The following PTPRN2 variants were observed in gnomAD, a reference collection of about 807,000 sequenced individuals.
PTPRN2 encodes receptor-type tyrosine-protein phosphatase N2.
In PTPRN2, 74 loss-of-function variants were observed where a neutral mutation model predicts 118.8. The ratio of observed to expected loss-of-function variants is 0.62; its 90% CI spans 0.52 to 0.76. PTPRN2 has a LOEUF of 0.76. Among genes scored for constraint, PTPRN2 ranks in the 30% least tolerant of loss-of-function variants. The pLI, the probability that PTPRN2 is intolerant of heterozygous loss-of-function variation, is 0.00. For missense variants in PTPRN2, 1,481 were observed against 1,394.4 expected (o/e 1.06, Z -0.99); for synonymous variants, 641 against 608.0 (o/e 1.05, Z -0.80).
Position 158,133,053 on chromosome 7 carries a change from G to A in PTPRN2, c.1556+624C>T, listed in dbSNP as rs565600154. 1.3e-4 allele frequency among the ~76,000 whole-genome samples: 20 copies of A among 152,358 alleles called. No individual in the cohort carries two copies. In the South Asian group the frequency reaches 1.4e-3, roughly 11 times the overall value. On this transcript the variant is annotated intron_variant, in intron 9 of 22. Transcript: ENST00000389418. ...CAGCCACTTGTGCCTTGCTGGGCCC[G>A]TGATGTCTGAATTCTGAGACTCGTT...
chr7:157,930,114 G>T (rs1281434749), intron 11 of PTPRN2, among the ~76,000 whole-genome samples: 2 of 152,180 alleles, frequency 1.3e-5, no homozygotes, highest in Non-Finnish European at 2.9e-5. Context: ...TTTGCCTCAA[G>T]ATGTTTTCCG....
chr7:157,748,900 G>C (rs370157100), intron 12 of PTPRN2, among the ~76,000 whole-genome samples: 1 of 16,476 alleles, frequency 6.1e-5, no homozygotes, highest in East Asian at 2.1e-3. Flanking sequence ...TCCCTGAGCT[G>C]TGGGCTGTTG....
At chr7:158,338,194 T>A (rs74869576) in intron 2 of PTPRN2, among the ~76,000 whole-genome samples, 98 of 5,468 alleles carry the variant, frequency 0.018, 19 homozygotes, top group Middle Eastern at 0.25. Context: ...AGGTGACACC[T>A]GCAGACGTCA....
At chr7:158,404,259 T>G (rs574535178) in intron 2 of PTPRN2, among the ~76,000 whole-genome samples, 9 of 152,224 alleles carry the variant, frequency 5.9e-5, no homozygotes, top group African/African-American at 9.6e-5. Flanking sequence ...TGTGCTGCTG[T>G]GTCACACGTG....
At chr7:157,712,247 ATTAT>A (rs1798683215) in intron 12 of PTPRN2, among the ~76,000 whole-genome samples, 1 of 152,142 alleles carries the variant, frequency 6.6e-6, no homozygotes, top group Non-Finnish European at 1.5e-5. Flanking sequence ...AGGCATTTGT[ATTAT>A]TTATGTAAAA....
chr7:158,494,037 T>G (rs1219148445), intron 1 of PTPRN2, among the ~76,000 whole-genome samples: 1 of 152,232 alleles, frequency 6.6e-6, no homozygotes, highest in African/African-American at 2.4e-5. Context: ...CTTACCCTTC[T>G]CAAGATGAAA....
chr7:158,068,182 G>C (rs112304778), intron 11 of PTPRN2, among the ~76,000 whole-genome samples: 2,278 of 152,308 alleles, frequency 0.015, 46 homozygotes, highest in African/African-American at 0.05. Context: ...AGGCCAGAGC[G>C]TGGGGACTTC....
chr7:158,064,887 G>C (rs1806609), intron 11 of PTPRN2, among the ~76,000 whole-genome samples: 5,007 of 152,302 alleles, frequency 0.033, 129 homozygotes, highest in Non-Finnish European at 0.047. Flanking sequence ...CTGGGGATGG[G>C]GCACAGAGTG....
At chr7:158,325,432 A>G (rs1379745520) in intron 2 of PTPRN2, among the ~76,000 whole-genome samples, 1 of 152,198 alleles carries the variant, frequency 6.6e-6, no homozygotes. Flanking sequence ...AATGAATACA[A>G]TATGATCACT....
At chr7:158,415,728 T>C (rs1295887567) in intron 2 of PTPRN2, among the ~76,000 whole-genome samples, 1 of 152,026 alleles carries the variant, frequency 6.6e-6, no homozygotes, top group African/African-American at 2.4e-5. Flanking sequence ...CTCAATGAAG[T>C]ATGCAGGCCA....
chr7:157,830,057 C>T (rs1208206062), intron 12 of PTPRN2, among the ~76,000 whole-genome samples: 2 of 145,418 alleles, frequency 1.4e-5, no homozygotes, highest in Non-Finnish European at 3.0e-5. Flanking sequence ...CCTCCTGCCC[C>T]ACCCTCCCTC....
intron 12 of PTPRN2, among the ~76,000 whole-genome samples, chr7:157,853,044 G>A (rs1809403741): frequency 6.6e-6 from 1 of 152,090 alleles, no homozygotes; most frequent in Non-Finnish European, 1.5e-5. Flanking sequence ...TGGGGAGGGT[G>A]GATGGTCTCT....
chr7:158,122,744 T>A (rs1452328943), intron 9 of PTPRN2, among the ~76,000 whole-genome samples: 1 of 152,036 alleles, frequency 6.6e-6, no homozygotes, highest in South Asian at 2.1e-4. Context: ...ACTAGGAAAC[T>A]CCCAGGAGAA....
chr7:158,137,383 C>A (rs1202003761), intron 7 of PTPRN2, among the ~76,000 whole-genome samples: 1 of 152,164 alleles, frequency 6.6e-6, no homozygotes, highest in African/African-American at 2.4e-5. Flanking sequence ...CGTCACCGCA[C>A]TCCAGCCTGG....
rs544882188 is a variant in PTPRN2 at position 157,874,392 on chromosome 7, GC to G, written c.1788+24280del. Among the ~76,000 whole-genome samples the G allele has an allele frequency of 8.5e-5, 13 of 152,212 alleles. No individual in the cohort carries two copies. Among genetic ancestry groups the G allele is most frequent in the East Asian group, 5.8e-4 (3 of 5,174 alleles). ...GGACCTGACCCAGCTCCTGCTTTCT[GC>G]CCCCTCCTGTCCCCTCTCTCCTGCC... On this transcript the variant is annotated intron_variant, in intron 12 of 22. Transcript: ENST00000389418. The surrounding 1 kb of genome is among the most constrained non-coding windows in gnomAD (Gnocchi z 5.8).
At chr7:158,148,648 G>A (rs80153057) in intron 6 of PTPRN2, among the ~76,000 whole-genome samples, 14 of 53,200 alleles carry the variant, frequency 2.6e-4, no homozygotes, top group Admixed American at 3.9e-4. Flanking sequence ...CTCACGCCAC[G>A]TGTCTTTCCC....
At position 157,893,397 on chromosome 7, in the gene PTPRN2, C is replaced by A. The variant is rs75904896; in HGVS notation, c.1788+5276G>T. Among the ~76,000 whole-genome samples the A allele has an allele frequency of 1.3e-5, 2 of 152,150 alleles. No individual in the cohort carries two copies. Among genetic ancestry groups the A allele is most frequent in the Non-Finnish European group, 2.9e-5 (2 of 68,026 alleles). On this transcript the variant is annotated intron_variant, in intron 12 of 22. Transcript: ENST00000389418. This position sits in a 1 kb window ranked among gnomAD's most constrained non-coding sequence, Gnocchi z 4.0. ...ACGGTCCCCCGCAGTCTAGGGAGAA[C>A]CTTCCTTCCCACATATGAGATGGGT... is the stretch of plus-strand genomic sequence containing the variant.
intron 12 of PTPRN2, among the ~76,000 whole-genome samples, chr7:157,834,723 A>C (rs922453449): frequency 3.3e-5 from 5 of 152,368 alleles, no homozygotes; most frequent in Non-Finnish European, 7.3e-5. Context: ...CCCAGCCTCC[A>C]GTGAGCCTGG....
intron 3 of PTPRN2, among the ~76,000 whole-genome samples, chr7:158,262,650 C>A (rs1797535571): frequency 6.7e-6 from 1 of 148,150 alleles, no homozygotes; most frequent in Non-Finnish European, 1.5e-5. Context: ...ATTCACTGCA[C>A]ACACTGACAC....
Sources: allele counts gnomAD v4.1 joint callset (sites outside exome capture counted in the v4.1 genomes callset), GRCh38; gene constraint gnomAD v4.1.1; non-coding constraint Gnocchi (gnomAD v3.1); transcripts MANE v1.5; gene names NCBI Gene and HGNC (gene_info 2026-07-23, HGNC 2026-07-21).